The following UBASH3B variants were observed in gnomAD, a reference collection of about 807,000 sequenced individuals.
The protein encoded by UBASH3B is ubiquitin-associated and SH3 domain-containing protein B.
In UBASH3B, 37 loss-of-function variants were observed where a neutral mutation model predicts 83.4. The ratio of observed to expected loss-of-function variants is 0.44; its 90% confidence interval spans 0.34 to 0.58. The LOEUF (loss-of-function observed/expected upper bound fraction) is 0.58. Among genes scored for constraint, UBASH3B ranks in the 20% least tolerant of loss-of-function variants. The pLI, the probability that UBASH3B is intolerant of heterozygous loss-of-function variation, is 0.01. For synonymous variants in UBASH3B, 304 were observed against 318.3 expected, an observed-to-expected ratio of 0.96 and a Z score of 0.48; for missense variants, 657 against 827.2, an observed-to-expected ratio of 0.79 and a Z score of 2.52.
At chr11:122,747,330 A>G (rs1399956204) in intron 1 of UBASH3B, among the ~76,000 whole-genome samples, 1 of 152,148 alleles carries the variant, frequency 6.6e-6, no homozygotes, top group Non-Finnish European at 1.5e-5. Context: ...GAGTTAATAG[A>G]CCCAGAACCA....
In UBASH3B at chr11:122,803,834, G is replaced by A. The variant is rs900960034; in HGVS notation, c.1595+2502G>A. Among the ~76,000 whole-genome samples, 6 of 152,030 alleles carry A rather than the reference G, an allele frequency of 3.9e-5. No individual in the cohort carries two copies. In the South Asian group the frequency reaches 6.2e-4, roughly 16 times the overall value. On this transcript the variant is annotated intron_variant, in intron 11 of 13. Transcript: ENST00000284273. ...GATGCCACCTGACTTCCAGAGCACC[G>A]TATTCCAGGTTGAGTGGGTGGGGGG...
At chr11:122,670,179 A>ATGTGTG (rs34408096) in intron 1 of UBASH3B, among the ~76,000 whole-genome samples, 1 of 149,410 alleles carries the variant, frequency 6.7e-6, no homozygotes, top group Non-Finnish European at 1.5e-5. Flanking sequence ...CTGAGTGTGA[A>ATGTGTG]TGTGTGTGTG....
chr11:122,656,080 G>A lies in UBASH3B; in HGVS notation c.31G>A (p.Gly11Ser). The change falls in exon 1 of 14, where the codon GGC becomes AGC. Residue 11 changes from glycine (G) to serine (S), a missense_variant. Gly to Ser is a moderately conservative substitution (Grantham distance 56). Coordinates refer to ENST00000284273, the MANE Select transcript of UBASH3B (RefSeq NM_032873.5). MAQYGHPSPL[G>S]MAAREELYSK... The stretch of plus-strand genomic sequence containing the variant: ...TCAGTACGGCCACCCCAGTCCGCTC[G>A]GCATGGCTGCGAGAGAGGAGCTGTA... The A allele has an allele frequency of 6.2e-7, 1 of 1,601,194 alleles. No homozygotes were observed. Among genetic ancestry groups the A allele is most frequent in the Non-Finnish European group, 8.5e-7 (1 of 1,175,178 alleles).
chr11:122,779,812 C>A, intron 4 of UBASH3B, 117 bp downstream of exon 4: 1 of 1,211,086 alleles, frequency 8.3e-7, no homozygotes, highest in Non-Finnish European at 1.2e-6. Flanking sequence ...GAGGACCCTG[C>A]AGGAATGGAC....
chr11:122,665,303 GA>G (rs1173573722), intron 1 of UBASH3B, among the ~76,000 whole-genome samples: 2 of 152,142 alleles, frequency 1.3e-5, no homozygotes, highest in African/African-American at 4.8e-5. Context: ...TCAGCCTTCT[GA>G]ACAGTGAGAA....
chr11:122,749,698 C>G (rs1320670406), intron 1 of UBASH3B, among the ~76,000 whole-genome samples: 1 of 152,166 alleles, frequency 6.6e-6, no homozygotes, highest in Non-Finnish European at 1.5e-5. Flanking sequence ...ACAGAGTAAT[C>G]GCTATTTGAG....
intron 1 of UBASH3B, among the ~76,000 whole-genome samples, chr11:122,707,960 G>T (rs913400703): frequency 1.3e-5 from 2 of 152,232 alleles, no homozygotes; most frequent in Admixed American, 6.5e-5. Flanking sequence ...CTCCCAAAGT[G>T]CCGGGATTAC....
chr11:122,728,982 G>T (rs1860792503), intron 1 of UBASH3B, among the ~76,000 whole-genome samples: 1 of 146,388 alleles, frequency 6.8e-6, no homozygotes, highest in African/African-American at 2.4e-5. Flanking sequence ...AGAGTGCTCA[G>T]CCTGCCGTCC....
rs189203825 is a variant in UBASH3B at position 122,765,511 on chromosome 11, T to C, written c.162-10708T>C. ...TAGAGGGTGAAGGGGAACAAAGAGT[T>C]GGCCTGGCTGCTTGCTCACACCCCT... On this transcript the variant is annotated intron_variant, in intron 1 of 13. Transcript: ENST00000284273. 6.2e-4 allele frequency among the ~76,000 whole-genome samples: 94 copies of C among 152,282 alleles called. 1 individual carries two copies. Among genetic ancestry groups the C allele is most frequent in the Non-Finnish European group, 1.5e-4 (10 of 68,018 alleles).
intron 1 of UBASH3B, among the ~76,000 whole-genome samples, chr11:122,678,965 A>G (rs1451901302): frequency 1.3e-5 from 2 of 152,228 alleles, no homozygotes; most frequent in Non-Finnish European, 2.9e-5. Flanking sequence ...CTGGATATGC[A>G]GGAATAAACA....
At chr11:122,724,331 G>A (rs1022701027) in intron 1 of UBASH3B, among the ~76,000 whole-genome samples, 4 of 152,264 alleles carry the variant, frequency 2.6e-5, no homozygotes, top group Non-Finnish European at 4.4e-5. Context: ...TTAGAATCGG[G>A]GCAGGCATGT....
intron 1 of UBASH3B, among the ~76,000 whole-genome samples, chr11:122,774,980 T>A (rs562542330): frequency 6.6e-6 from 1 of 152,284 alleles, no homozygotes; most frequent in Admixed American, 6.5e-5. Flanking sequence ...TATGTTCTTA[T>A]GTCCCCTATG....
intron 1 of UBASH3B, among the ~76,000 whole-genome samples, chr11:122,669,132 A>G (rs1050587031): frequency 6.6e-6 from 1 of 152,258 alleles, no homozygotes; most frequent in African/African-American, 2.4e-5. Flanking sequence ...CTCACAAATT[A>G]CTACAAATTC....
At chr11:122,713,123 G>A (rs1455049885) in intron 1 of UBASH3B, among the ~76,000 whole-genome samples, 1 of 151,860 alleles carries the variant, frequency 6.6e-6, no homozygotes, top group Non-Finnish European at 1.5e-5. Flanking sequence ...TAGCCAGGAT[G>A]GTCTTGATCT....
intron 5 of UBASH3B, among the ~76,000 whole-genome samples, chr11:122,787,071 T>G (rs577418449): frequency 1.6e-3 from 234 of 148,022 alleles, no homozygotes; most frequent in African/African-American, 5.4e-3. Flanking sequence ...AAGGCACTAC[T>G]GGGCCAAAGG....
chr11:122,675,576 C>G (rs889357481), intron 1 of UBASH3B, among the ~76,000 whole-genome samples: 1 of 152,182 alleles, frequency 6.6e-6, no homozygotes, highest in African/African-American at 2.4e-5. Flanking sequence ...GCTGTTCTGT[C>G]CTGTGACTTT....
chr11:122,700,322 G>A (rs189187298), intron 1 of UBASH3B, among the ~76,000 whole-genome samples: 1 of 152,216 alleles, frequency 6.6e-6, no homozygotes, highest in Admixed American at 6.5e-5. Context: ...GTTACACATG[G>A]TGAGTCCATT....
At chr11:122,731,788 C>A (rs1338263940) in intron 1 of UBASH3B, among the ~76,000 whole-genome samples, 2 of 152,156 alleles carry the variant, frequency 1.3e-5, no homozygotes, top group African/African-American at 4.8e-5. Flanking sequence ...AAAGTGAAAC[C>A]ACAGATAAGG....
At chr11:122,786,382 C>A (rs1860953255) in intron 5 of UBASH3B, among the ~76,000 whole-genome samples, 1 of 151,646 alleles carries the variant, frequency 6.6e-6, no homozygotes, top group African/African-American at 2.4e-5. Flanking sequence ...ACAGGCCAGG[C>A]ACAGTGGCTC....
Sources: allele counts gnomAD v4.1 joint callset (sites outside exome capture counted in the v4.1 genomes callset), GRCh38; gene constraint gnomAD v4.1.1; transcripts MANE v1.5; gene names NCBI Gene and HGNC (gene_info 2026-07-23, HGNC 2026-07-21).